Variants in BTBD9 observed in about 807,000 individuals in gnomAD.
BTBD9 encodes the protein BTB domain containing 9.
A neutral mutation model predicts 64.3 loss-of-function variants in BTBD9; 49 were observed. The observed-to-expected ratio is 0.76, with a 90% CI of 0.61 to 0.97. BTBD9 has a LOEUF of 0.97. BTBD9 is among the 50% of genes least tolerant of loss of function. The probability of loss-of-function intolerance (pLI) is 0.00; values close to 1 mark genes in which losing one functional copy is unlikely to be tolerated. For missense variants in BTBD9, 598 were observed against 762.1 expected, an observed-to-expected ratio of 0.78 and a Z score of 2.53; for synonymous variants, 260 against 274.7, an observed-to-expected ratio of 0.95 and a Z score of 0.53.
intron 2 of BTBD9, chr6:38,596,109 G>A: frequency 1.1e-6 from 1 of 943,316 alleles, no homozygotes; most frequent in Non-Finnish European, 1.3e-6. Flanking sequence ...GGCCTCTTCT[G>A]ACAGCTGACA....
chr6:38,629,084 TAAG>T (rs1344855910), intron 1 of BTBD9, among the ~76,000 whole-genome samples: 1 of 151,294 alleles, frequency 6.6e-6, no homozygotes, highest in Non-Finnish European at 1.5e-5. Flanking sequence ...TTGAATAACA[TAAG>T]AATCCATGAG....
intron 8 of BTBD9, among the ~76,000 whole-genome samples, chr6:38,261,375 C>T (rs1444082711): frequency 6.6e-6 from 1 of 152,120 alleles, no homozygotes; most frequent in East Asian, 1.9e-4. Context: ...TCTATTCCCC[C>T]CAACCCCAAG....
intron 6 of BTBD9, among the ~76,000 whole-genome samples, chr6:38,494,650 T>C (rs1174466672): frequency 1.3e-5 from 2 of 152,232 alleles, no homozygotes; most frequent in African/African-American, 4.8e-5. Context: ...ACATTTCTGT[T>C]TTTAAATAAC....
intron 5 of BTBD9, 41 bp downstream of exon 5, chr6:38,580,177 T>G (rs1215184971): frequency 1.3e-6 from 2 of 1,582,412 alleles, no homozygotes; most frequent in Non-Finnish European, 1.7e-6. Context: ...CTAAGTCATC[T>G]CAAACATAAT....
intron 6 of BTBD9, among the ~76,000 whole-genome samples, chr6:38,519,144 G>A (rs1393791231): frequency 1.3e-5 from 2 of 152,156 alleles, no homozygotes; most frequent in African/African-American, 4.8e-5. Context: ...TTGCATGTGG[G>A]AAATGTGACT....
intron 6 of BTBD9, among the ~76,000 whole-genome samples, chr6:38,417,009 T>C (rs1767698974): frequency 6.6e-6 from 1 of 152,112 alleles, no homozygotes; most frequent in South Asian, 2.1e-4. Flanking sequence ...CAATCACAGC[T>C]CACCGTAACC....
intron 6 of BTBD9, among the ~76,000 whole-genome samples, chr6:38,359,685 C>T (rs983599592): frequency 7.2e-5 from 11 of 152,116 alleles, no homozygotes; most frequent in African/African-American, 2.4e-4. Context: ...TTTCACTGCT[C>T]ATTAGCAGGG....
At chr6:38,393,753 A>G (rs1004658573) in intron 6 of BTBD9, among the ~76,000 whole-genome samples, 2 of 152,232 alleles carry the variant, frequency 1.3e-5, no homozygotes, top group Non-Finnish European at 2.9e-5. Flanking sequence ...TGTCTGCAAT[A>G]TTTGACAATA....
chr6:38,516,013 T>C (rs1005128950), intron 6 of BTBD9, among the ~76,000 whole-genome samples: 16 of 152,190 alleles, frequency 1.1e-4, no homozygotes, highest in African/African-American at 3.4e-4. Flanking sequence ...TGTAGTTACA[T>C]AACAGACTAA....
chr6:38,534,668 T>C (rs2127432690), intron 6 of BTBD9, among the ~76,000 whole-genome samples: 1 of 152,152 alleles, frequency 6.6e-6, no homozygotes, highest in Non-Finnish European at 1.5e-5. Context: ...ATTAAAAAGT[T>C]CATTCATCAT....
At chr6:38,331,191 A>G (rs1418331567) in intron 7 of BTBD9, among the ~76,000 whole-genome samples, 1 of 152,252 alleles carries the variant, frequency 6.6e-6, no homozygotes, top group Non-Finnish European at 1.5e-5. Flanking sequence ...ATAAGAAAGA[A>G]GCAACAGGCC....
intron 6 of BTBD9, among the ~76,000 whole-genome samples, chr6:38,558,998 T>C (rs933006834): frequency 9.9e-5 from 15 of 152,178 alleles, no homozygotes; most frequent in Admixed American, 9.2e-4. Context: ...CTGGTAGAAT[T>C]TGGCTGTGAA....
chr6:38,272,266 A>G (rs1467108585), intron 8 of BTBD9, among the ~76,000 whole-genome samples: 3 of 152,214 alleles, frequency 2.0e-5, no homozygotes, highest in Admixed American at 6.5e-5. Context: ...AAATAATAAT[A>G]TATCAGTTAT....
At chr6:38,432,006 T>A (rs1768464860) in intron 6 of BTBD9, among the ~76,000 whole-genome samples, 1 of 151,846 alleles carries the variant, frequency 6.6e-6, no homozygotes. Flanking sequence ...GGTGATTAGA[T>A]CTTTAAGAGG....
chr6:38,525,404 CT>C (rs1335120619), intron 6 of BTBD9, among the ~76,000 whole-genome samples: 3 of 152,166 alleles, frequency 2.0e-5, no homozygotes, highest in East Asian at 3.9e-4. Flanking sequence ...CAGGTAGTAT[CT>C]TTATAGCAGT....
chr6:38,635,446 C>A (rs1008342683), intron 1 of BTBD9, among the ~76,000 whole-genome samples: 2 of 152,180 alleles, frequency 1.3e-5, no homozygotes, highest in African/African-American at 4.8e-5. Context: ...ACCTCCAGGT[C>A]TACCCAATGC....
intron 4 of BTBD9, chr6:38,588,159 G>C (rs1159047149): frequency 1.3e-6 from 1 of 761,966 alleles, no homozygotes; most frequent in East Asian, 2.4e-5. Flanking sequence ...TATTCAAAAA[G>C]CCAGAGTCAG....
At chr6:38,476,205 C>T (rs892105749) in intron 6 of BTBD9, among the ~76,000 whole-genome samples, 1 of 152,182 alleles carries the variant, frequency 6.6e-6, no homozygotes, top group Non-Finnish European at 1.5e-5. Context: ...GGCAGCACAG[C>T]ACAAAGGCCA....
chr6:38,379,239 A>G (rs1765825641), intron 6 of BTBD9, among the ~76,000 whole-genome samples: 1 of 152,184 alleles, frequency 6.6e-6, no homozygotes, highest in Non-Finnish European at 1.5e-5. Context: ...CAACATTTTT[A>G]GTGGCTGACT....
Sources: allele counts gnomAD v4.1 joint callset (sites outside exome capture counted in the v4.1 genomes callset), GRCh38; gene constraint gnomAD v4.1.1; transcripts MANE v1.5; gene names NCBI Gene and HGNC (gene_info 2026-07-23, HGNC 2026-07-21).